PSMD6: variants seen among roughly 807,000 people sequenced by gnomAD.
The protein encoded by PSMD6 is proteasome 26S subunit, non-ATPase 6, also known as 26S proteasome non-ATPase regulatory subunit 6.
A neutral mutation model predicts 44.9 loss-of-function variants in PSMD6; 7 were observed. The observed-to-expected ratio is 0.16, with a 90% confidence interval of 0.09 to 0.29. The LOEUF is 0.29. Among genes scored for constraint, PSMD6 ranks in the 10% least tolerant of loss-of-function variants. The pLI is 1.00. For missense variants in PSMD6, 420 were observed against 482.6 expected (o/e 0.87, Z 1.21); for synonymous variants, 184 against 172.7 (o/e 1.07, Z -0.51).
In PSMD6 at chr3:64,023,283, C is replaced by T. The variant is rs1258681528; in HGVS notation, c.137G>A (p.Arg46His). The T allele has an allele frequency of 6.4e-7, 1 of 1,568,622 alleles. No individual in the cohort carries two copies. Among genetic ancestry groups the T allele is most frequent in the South Asian group, 1.2e-5 (1 of 86,250 alleles). Residue 46 changes from arginine to histidine, a missense_variant, in exon 1 of 8, where the codon CGC becomes CAC. Arg to His is a conservative substitution (Grantham distance 29, BLOSUM62 0). Coordinates refer to ENST00000295901, the MANE Select transcript of PSMD6 (RefSeq NM_014814.3). ...GCTCGTGCGGGCCTCACTGTTATCG[C>T]GGACGGCCGCCATCAGCTCGTCGCG... is the stretch of plus-strand genomic sequence containing the variant. Reference protein sequence around the residue: ...AVRDELMAAVRDNNMAPYYEA... With the variant: ...AVRDELMAAVHDNNMAPYYEA...
In PSMD6 at chr3:64,023,311, C is replaced by A; in HGVS notation, c.109G>T (p.Val37Leu). 3.1e-6 allele frequency: 5 copies of A among 1,591,310 alleles called. No individual in the cohort carries two copies. Among genetic ancestry groups the A allele is most frequent in the Non-Finnish European group, 4.3e-6 (5 of 1,169,810 alleles). The change falls in exon 1 of 8, where the codon GTG (valine) becomes TTG (leucine). Residue 37 changes from valine (V) to leucine (L), a missense_variant. This residue lies in a region of PSMD6 where 136 missense variants were observed against 124.2 expected (regional missense o/e 1.09). Coordinates refer to ENST00000295901, the MANE Select transcript of PSMD6 (RefSeq NM_014814.3). ...SLPEHRGDAA[V>L]RDELMAAVRD... ...ACGGCCGCCATCAGCTCGTCGCGCA[C>A]GGCAGCGTCTCCGCGGTGCTCGGGC...
At chr3:64,017,985 C>A (rs1454177575) in intron 5 of PSMD6, among the ~76,000 whole-genome samples, 2 of 152,138 alleles carry the variant, frequency 1.3e-5, no homozygotes, top group African/African-American at 4.8e-5. Context: ...GAGGGAGAAA[C>A]AAGCAAATGT....
chr3:64,016,196 A>C (rs1355343568), intron 5 of PSMD6: 3 of 152,014 alleles, frequency 2.0e-5, no homozygotes, highest in Non-Finnish European at 4.4e-5. Context: ...CAAATAAATA[A>C]ATAAATAAAT....
rs1450780828 is a variant in PSMD6, at chr3:64,018,867, G to A, written c.668C>T (p.Thr223Ile). The part of the protein sequence containing the change: ...LMDYKTFVTY[T>I]VYVSMIALER... The stretch of plus-strand genomic sequence containing the variant: ...TAAGGCAATCATACTGACATAGACA[G>A]TATAAGTCACAAATGTTTTATAATC... Residue 223 changes from threonine to isoleucine, a missense_variant, in exon 4 of 8, where the codon ACT (threonine) becomes ATT (isoleucine). Around this residue, in one of 4 missense-constraint regions of PSMD6, gnomAD observed 216 missense variants for 227.0 expected, o/e 0.95. Coordinates refer to ENST00000295901, the MANE Select transcript of PSMD6 (RefSeq NM_014814.3). 3 of 1,597,638 alleles carry A rather than the reference G, an allele frequency of 1.9e-6. No individual in the cohort carries two copies. Among genetic ancestry groups the A allele is most frequent in the East Asian group, 2.2e-5 (1 of 44,794 alleles).
chr3:64,010,726 T>C lies in PSMD6; in HGVS notation c.1112A>G (p.Lys371Arg). 6.2e-7 allele frequency: 1 copy of C among 1,611,302 alleles called. No homozygotes were observed. The highest frequency in any genetic ancestry group is 8.5e-7 in the Non-Finnish European group (1 of 1,177,838). Residue 371 changes from lysine (K) to arginine (R), a missense_variant, in exon 8 of 8, where the codon AAG (lysine) becomes AGG (arginine). Coordinates refer to ENST00000295901, the MANE Select transcript of PSMD6 (RefSeq NM_014814.3). ...SKNWQYQETI[K>R]KGDLLLNRVQ... ...TCTGTTTAGTAGCAGATCTCCTTTC[T>C]TGATAGTTTCTTGGTACTGCCAGTT...
intron 5 of PSMD6, 115 bp downstream of exon 5, chr3:64,018,484 C>A: frequency 1.4e-6 from 1 of 725,920 alleles, no homozygotes; most frequent in Non-Finnish European, 2.3e-6. Context: ...CAAAGACATG[C>A]AGCTACCTAC....
chr3:64,013,602 C>A lies in PSMD6; in HGVS notation c.832G>T (p.Val278Leu), dbSNP rs368373472. The change falls in exon 6 of 8, where the codon GTG (valine) becomes TTG (leucine). Residue 278 changes from valine to leucine, a missense_variant. Transcript: ENST00000295901. The part of the protein sequence containing the change: ...YSVFFQSLAV[V>L]EQEMKKDWLF... ...CAGTCCTTTTTCATTTCCTGTTCCA[C>A]AACCGCTGCAATGAATAAAATGACA... 10 of 1,600,116 alleles carry A rather than the reference C, an allele frequency of 6.2e-6. No homozygotes were observed. In the African/African-American group the frequency reaches 1.4e-4, roughly 22 times the overall value.
rs2076047648 is a variant in PSMD6 at position 64,016,577 on chromosome 3, T to A, written c.826+2022A>T. 3 of 151,948 alleles carry A rather than the reference T, an allele frequency of 2.0e-5. 1 individual carries two copies. In the South Asian group the frequency reaches 6.2e-4, roughly 32 times the overall value. The allele number at this position is 151,948 out of a possible 1,614,324, so 9.4% of individuals were successfully genotyped here. A position where few individuals can be genotyped will look rare whatever the true frequency, so the allele number is the denominator to read the frequency against. ...CAATTGGGGCACATGGCCAGTTAAG[T>A]ATATGAAAAGATGCTCAATGAAACT... is the stretch of plus-strand genomic sequence containing the variant. On this transcript the variant is annotated intron_variant, in intron 5 of 7. Coordinates refer to ENST00000295901, the MANE Select transcript of PSMD6 (RefSeq NM_014814.3).
chr3:64,010,811 T>G (rs2075925529), intron 7 of PSMD6, 47 bp from the exon 8 acceptor site: 1 of 1,578,126 alleles, frequency 6.3e-7, no homozygotes, highest in African/African-American at 1.4e-5. Flanking sequence ...AGTCACATTA[T>G]TCCATGACAA....
upstream of PSMD6, chr3:64,023,545 G>A: frequency 7.1e-7 from 1 of 1,410,588 alleles, no homozygotes; most frequent in Non-Finnish European, 9.3e-7. Flanking sequence ...CGTCTCCGCC[G>A]GCAGCGTCCT....
chr3:64,018,718 T>C lies in PSMD6; in HGVS notation c.718-11A>G. ...TGCTCCTTTAATGACCTAGGTATTT[T>C]AAAAAACATATATACAAAAAAAATG... On this transcript the variant is annotated splice_polypyrimidine_tract_variant and intron_variant, in intron 4 of 7. Transcript: ENST00000295901. 6.5e-7 allele frequency: 1 copy of C among 1,543,262 alleles called. No individual in the cohort carries two copies. The highest frequency in any genetic ancestry group is 1.2e-5 in the South Asian group (1 of 86,182).
intron 1 of PSMD6, chr3:64,022,996 C>A: frequency 7.0e-7 from 1 of 1,423,728 alleles, no homozygotes; most frequent in Non-Finnish European, 9.2e-7. Context: ...TTACTCTGTG[C>A]CTAGCACAGG....
intron 1 of PSMD6, 24 bp downstream of exon 1, chr3:64,023,251 A>G (rs2106879658): frequency 6.5e-7 from 1 of 1,545,846 alleles, no homozygotes; most frequent in East Asian, 2.5e-5. Flanking sequence ...TAGGCCGCTG[A>G]CTCGGCGCTC....
In PSMD6 at chr3:64,022,488, G is replaced by A. The variant is rs1490188653; in HGVS notation, c.181C>T (p.Leu61Phe). ...AGGTCCACGTCTATCTGCCAGTCGA[G>A]GGATTTGCACAAGGCTTCATAGTAA... is the stretch of plus-strand genomic sequence containing the variant. ...APYYEALCKSLDWQIDVDLLN... is the reference protein window; with the variant it reads ...APYYEALCKSFDWQIDVDLLN... The change falls in exon 2 of 8, where the codon CTC becomes TTC. Residue 61 changes from leucine to phenylalanine, a missense_variant. Physicochemically the swap from Leu to Phe is conservative, Grantham distance 22 (BLOSUM62 0). Coordinates refer to ENST00000295901, the MANE Select transcript of PSMD6 (RefSeq NM_014814.3). 1 of 1,614,078 alleles carries A rather than the reference G, an allele frequency of 6.2e-7. No homozygotes were observed. The highest frequency in any genetic ancestry group is 2.2e-5 in the East Asian group (1 of 44,880).
intron 1 of PSMD6, chr3:64,022,928 C>G (rs1182272598): frequency 2.1e-6 from 3 of 1,451,360 alleles, no homozygotes; most frequent in Non-Finnish European, 2.8e-6. Context: ...GCTGAACTCT[C>G]CCACAGGAAT....
chr3:64,019,609 G>T, intron 2 of PSMD6, 168 bp from the exon 3 acceptor site: 1 of 585,198 alleles, frequency 1.7e-6, no homozygotes, highest in Non-Finnish European at 2.8e-6. Flanking sequence ...GTACACAAGG[G>T]TTTATTATTC....
intron 5 of PSMD6, chr3:64,017,876 A>G (rs1308662539): frequency 1.3e-5 from 2 of 152,236 alleles, no homozygotes; most frequent in African/African-American, 4.8e-5. Context: ...GTTTTGGGAA[A>G]GACCCCTGGG....
chr3:64,019,211 A>C (rs2076093144), intron 3 of PSMD6, 85 bp downstream of exon 3: 2 of 1,480,184 alleles, frequency 1.4e-6, no homozygotes, highest in Non-Finnish European at 1.9e-6. Context: ...TACTAGCTGT[A>C]AACAAAACAG....
chr3:64,019,238 G>C (rs1019974721), intron 3 of PSMD6, 58 bp downstream of exon 3: 8 of 1,513,490 alleles, frequency 5.3e-6, no homozygotes, highest in Middle Eastern at 1.7e-4. Flanking sequence ...TCTTATATCA[G>C]CTTCTCATTT....
Sources: gnomAD v4.1 joint callset for allele counts (sites outside exome capture counted in the v4.1 genomes callset) on GRCh38, gnomAD v4.1.1 for gene constraint, gnomAD v4.1.1 regional missense constraint, MANE v1.5 for transcripts, NCBI Gene and HGNC (gene_info 2026-07-23, HGNC 2026-07-21) for gene names.